Variants in CAMTA1 observed in about 807,000 individuals in gnomAD.
CAMTA1 encodes calmodulin binding transcription activator 1.
In CAMTA1, 27 loss-of-function variants were observed where a neutral mutation model predicts 170.9. That is an observed-to-expected ratio of 0.16 (90% CI 0.12 to 0.22). The LOEUF is 0.22. Ranked by LOEUF, CAMTA1 falls within the 10% of genes least tolerant of loss-of-function variation. The pLI is 1.00. For synonymous variants in CAMTA1, 833 were observed against 891.5 expected (o/e 0.93, Z 1.17); for missense variants, 1,619 against 2,217.2 (o/e 0.73, Z 5.42).
At chr1:6,866,306 C>G (rs1666554098) in intron 3 of CAMTA1, among the ~76,000 whole-genome samples, 1 of 152,252 alleles carries the variant, frequency 6.6e-6, no homozygotes, top group African/African-American at 2.4e-5. Flanking sequence ...ATAGTGGATT[C>G]TTTTTCATTC....
At position 7,226,069 on chromosome 1, in the gene CAMTA1, A is replaced by G. The variant is rs147599726; in HGVS notation, c.303-23422A>G. On this transcript the variant is annotated intron_variant, in intron 4 of 22. Coordinates refer to ENST00000303635, the MANE Select transcript of CAMTA1 (RefSeq NM_015215.4). ...TCTTGCCTTCTCTGGCTTTGAGTTC[A>G]GTTGTCCCCACATCCCCTGAGGATC... Among the ~76,000 whole-genome samples, 761 of 152,256 alleles carry G rather than the reference A, an allele frequency of 5.0e-3. 15 individuals carry two copies. The highest frequency in any genetic ancestry group is 0.039 in the Admixed American group (593 of 15,306).
intron 6 of CAMTA1, among the ~76,000 whole-genome samples, chr1:7,545,543 A>T (rs1195780732): frequency 6.6e-6 from 1 of 152,184 alleles, no homozygotes; most frequent in Non-Finnish European, 1.5e-5. Context: ...CAGTTACTTT[A>T]TAAGGCTGCC....
chr1:7,144,692 G>A lies in CAMTA1; in HGVS notation c.302+53321G>A, dbSNP rs914969315. Among the ~76,000 whole-genome samples the A allele has an allele frequency of 3.9e-5, 6 of 152,184 alleles. No individual in the cohort carries two copies. The highest frequency in any genetic ancestry group is 1.4e-4 in the African/African-American group (6 of 41,438). On this transcript the variant is annotated intron_variant, in intron 4 of 22. Coordinates refer to ENST00000303635, the MANE Select transcript of CAMTA1 (RefSeq NM_015215.4). The surrounding 1 kb of genome is among the most constrained non-coding windows in gnomAD (Gnocchi z 4.0). ...ATAATTACTAAAAACTGTGTCAAAT[G>A]TATTTGCTTCCTTCTACCAGTCCTG...
intron 3 of CAMTA1, among the ~76,000 whole-genome samples, chr1:6,953,337 G>A (rs1376476251): frequency 1.3e-5 from 2 of 152,214 alleles, no homozygotes; most frequent in Non-Finnish European, 2.9e-5. Context: ...GGAAGGACTT[G>A]GAGGGGCCAG....
chr1:7,538,095 G>A (rs1459321028), intron 6 of CAMTA1, among the ~76,000 whole-genome samples: 1 of 152,346 alleles, frequency 6.6e-6, no homozygotes, highest in African/African-American at 2.4e-5. Context: ...TCATTTGCAC[G>A]TGCAGTGTTG....
intron 3 of CAMTA1, among the ~76,000 whole-genome samples, chr1:6,890,064 GC>G (rs1172068369): frequency 6.6e-6 from 1 of 152,192 alleles, no homozygotes; most frequent in Non-Finnish European, 1.5e-5. Flanking sequence ...ATGAGTTAGT[GC>G]CCTCTGGTGG....
At chr1:6,805,736 C>G (rs1644438602) in intron 1 of CAMTA1, among the ~76,000 whole-genome samples, 1 of 152,178 alleles carries the variant, frequency 6.6e-6, no homozygotes, top group South Asian at 2.1e-4. Context: ...GTCTTGAACT[C>G]CTGGGCTCAA....
At chr1:6,877,878 G>T (rs975163216) in intron 3 of CAMTA1, among the ~76,000 whole-genome samples, 26 of 152,284 alleles carry the variant, frequency 1.7e-4, no homozygotes, top group African/African-American at 6.0e-4. Context: ...ACCAAGGTTT[G>T]ACCTGGGATC....
intron 4 of CAMTA1, among the ~76,000 whole-genome samples, chr1:7,109,114 G>A (rs1643870830): frequency 6.6e-6 from 1 of 152,242 alleles, no homozygotes; most frequent in South Asian, 2.1e-4. Flanking sequence ...GACTACGAGA[G>A]GGTGAGCAAG....
chr1:7,650,575 C>A (rs954133675), intron 7 of CAMTA1, among the ~76,000 whole-genome samples: 1 of 152,176 alleles, frequency 6.6e-6, no homozygotes, highest in African/African-American at 2.4e-5. Context: ...GAAGCCCATG[C>A]CCCCTGGCAG....
chr1:7,337,919 C>T (rs2083507498), intron 5 of CAMTA1, among the ~76,000 whole-genome samples: 1 of 151,916 alleles, frequency 6.6e-6, no homozygotes. Context: ...ATTTGTCAGT[C>T]CCCACAATAG....
At chr1:7,081,392 G>T (rs1413498485) in intron 3 of CAMTA1, among the ~76,000 whole-genome samples, 1 of 152,170 alleles carries the variant, frequency 6.6e-6, no homozygotes, top group African/African-American at 2.4e-5. Context: ...GGACAAAGAA[G>T]GGTGAAATTG....
intron 22 of CAMTA1, among the ~76,000 whole-genome samples, chr1:7,763,180 T>G (rs950028075): frequency 6.6e-6 from 1 of 152,224 alleles, no homozygotes; most frequent in African/African-American, 2.4e-5. Context: ...TTGTGAGGAC[T>G]ACATAAAGTA....
At chr1:7,531,842 G>A (rs2150048555) in intron 6 of CAMTA1, among the ~76,000 whole-genome samples, 1 of 152,374 alleles carries the variant, frequency 6.6e-6, no homozygotes, top group Non-Finnish European at 1.5e-5. Context: ...AGGTTGCCCT[G>A]TGAGCTGGTC....
Position 6,902,074 on chromosome 1 carries a change from A to ACACACACACACAC in CAMTA1, c.234+76864_234+76865insCACACACACACAC, listed in dbSNP as rs1553180447. 5.9e-3 allele frequency among the ~76,000 whole-genome samples: 449 copies of ACACACACACACAC among 75,694 alleles called. 2 individuals carry two copies. The highest frequency in any genetic ancestry group is 7.1e-3 in the African/African-American group (172 of 24,382). The allele number at this position is 75,694 out of a possible 152,430, so 49.7% of individuals were successfully genotyped here. On this transcript the variant is annotated intron_variant, in intron 3 of 22. Transcript: ENST00000303635. Reference sequence around the variant, plus strand: ...ACACACACACACACACACACACACAAAAAAAAAAATAAAAATAAAAACTCG... The same window carrying ACACACACACACAC: ...ACACACACACACACACACACACACAACACACACACACACAAAAAAAAATAAAAATAAAAACTCG...
At chr1:7,623,997 T>G (rs2095616646) in intron 6 of CAMTA1, among the ~76,000 whole-genome samples, 1 of 152,264 alleles carries the variant, frequency 6.6e-6, no homozygotes, top group Non-Finnish European at 1.5e-5. Flanking sequence ...GAGTGAAATT[T>G]AAACACAGTT....
At chr1:7,683,047 C>T (rs1197505839) in intron 11 of CAMTA1, among the ~76,000 whole-genome samples, 3 of 152,038 alleles carry the variant, frequency 2.0e-5, no homozygotes, top group Admixed American at 6.6e-5. Flanking sequence ...TGGTGGTGAG[C>T]GCCTGTTGTC....
chr1:6,942,106 C>G lies in CAMTA1; in HGVS notation c.234+116896C>G, dbSNP rs192994514. Among the ~76,000 whole-genome samples, 218 of 149,638 alleles carry G rather than the reference C, an allele frequency of 1.5e-3. 1 individual carries two copies. The highest frequency in any genetic ancestry group is 4.4e-4 in the Non-Finnish European group (30 of 67,450). ...TTTTTTTTAAAGAAATCTCATTTTACAAATGGTTTTCTGCACATTCCAAGT... is the reference window on the plus strand; with the variant it reads ...TTTTTTTTAAAGAAATCTCATTTTAGAAATGGTTTTCTGCACATTCCAAGT... On this transcript the variant is annotated intron_variant, in intron 3 of 22. Transcript: ENST00000303635.
At position 7,044,947 on chromosome 1, in the gene CAMTA1, T is replaced by C. The variant is rs1449196152; in HGVS notation, c.235-46357T>C. ...AAACTCATACTTGTTTCTATGGGCTTCCTATGTTTCTTTGGAAGCAGCCTC... is the reference window on the plus strand; with the variant it reads ...AAACTCATACTTGTTTCTATGGGCTCCCTATGTTTCTTTGGAAGCAGCCTC... On this transcript the variant is annotated intron_variant, in intron 3 of 22. Coordinates refer to ENST00000303635, the MANE Select transcript of CAMTA1 (RefSeq NM_015215.4). The surrounding 1 kb of genome is among the most constrained non-coding windows in gnomAD (Gnocchi z 5.0). 6.6e-6 allele frequency among the ~76,000 whole-genome samples: 1 copy of C among 152,054 alleles called. No individual in the cohort carries two copies. The highest frequency in any genetic ancestry group is 6.6e-5 in the Admixed American group (1 of 15,254).
Sources: gnomAD v4.1 joint callset for allele counts (sites outside exome capture counted in the v4.1 genomes callset) on GRCh38, gnomAD v4.1.1 for gene constraint, Gnocchi (gnomAD v3.1) non-coding constraint, MANE v1.5 for transcripts, NCBI Gene and HGNC (gene_info 2026-07-23, HGNC 2026-07-21) for gene names.